The following NRG3 variants were observed in gnomAD, a reference collection of about 807,000 sequenced individuals.
The protein encoded by NRG3 is pro-neuregulin-3, membrane-bound isoform.
A neutral mutation model predicts 66.9 loss-of-function variants in NRG3; 31 were observed. The ratio of observed to expected loss-of-function variants is 0.46; its 90% CI spans 0.35 to 0.63. The LOEUF (loss-of-function observed/expected upper bound fraction) is 0.63, where lower values mean the gene tolerates loss of function less well. NRG3 is among the 20% of genes least tolerant of loss of function. The probability of loss-of-function intolerance (pLI) is 0.00; values close to 1 mark genes in which losing one functional copy is unlikely to be tolerated. For missense variants in NRG3, 910 were observed against 878.9 expected (o/e 1.04, Z -0.45); for synonymous variants, 393 against 359.4 (o/e 1.09, Z -1.06).
At chr10:82,222,401 G>A (rs1380261264) in intron 1 of NRG3, among the ~76,000 whole-genome samples, 2 of 152,062 alleles carry the variant, frequency 1.3e-5, no homozygotes, top group Non-Finnish European at 2.9e-5. Context: ...TTGGATGAGC[G>A]ATTTAGACAA....
intron 1 of NRG3, among the ~76,000 whole-genome samples, chr10:81,939,363 G>T (rs1005424617): frequency 6.6e-6 from 1 of 151,982 alleles, no homozygotes. Context: ...TTCAGTGTTT[G>T]CCAGAATTCT....
intron 2 of NRG3, among the ~76,000 whole-genome samples, chr10:82,541,264 G>A (rs1329936365): frequency 6.6e-6 from 1 of 152,160 alleles, no homozygotes; most frequent in Admixed American, 6.5e-5. Flanking sequence ...AAATACGCAT[G>A]CATATACGTA....
intron 3 of NRG3, among the ~76,000 whole-genome samples, chr10:82,770,381 C>T (rs2059669963): frequency 6.6e-6 from 1 of 152,078 alleles, no homozygotes; most frequent in Admixed American, 6.6e-5. Context: ...TTCCAAAACC[C>T]TGTTGTGAAC....
rs576699291 is a variant in NRG3 at position 82,096,503 on chromosome 10, A to C, written c.823+220340A>C. Among the ~76,000 whole-genome samples the C allele has an allele frequency of 8.5e-5, 13 of 152,056 alleles. No homozygotes were observed. The South Asian group carries it at 1.2e-3, about 15-fold the overall frequency. On this transcript the variant is annotated intron_variant, in intron 1 of 8. Coordinates refer to ENST00000372141, the MANE Select transcript of NRG3 (RefSeq NM_001010848.4). ...GAACAAACAAAAAAAAAACAACAAC[A>C]ACCACAAAAAAAACATGAACATGAG... is the stretch of plus-strand genomic sequence containing the variant.
intron 2 of NRG3, among the ~76,000 whole-genome samples, chr10:82,513,761 T>C (rs1489187590): frequency 2.0e-5 from 3 of 152,076 alleles, no homozygotes; most frequent in African/African-American, 7.2e-5. Context: ...GCCTGGGCAA[T>C]AGAATGAGAC....
At chr10:82,846,603 A>G (rs1273907768) in intron 3 of NRG3, among the ~76,000 whole-genome samples, 1 of 152,188 alleles carries the variant, frequency 6.6e-6, no homozygotes, top group Non-Finnish European at 1.5e-5. Flanking sequence ...GAAAAAGCAG[A>G]ACAATCAGCA....
intron 4 of NRG3, among the ~76,000 whole-genome samples, chr10:82,892,865 A>T (rs986137829): frequency 2.0e-5 from 3 of 152,032 alleles, no homozygotes; most frequent in Non-Finnish European, 2.9e-5. Context: ...AGTTAATAAA[A>T]TGTTTACCTA....
intron 3 of NRG3, among the ~76,000 whole-genome samples, chr10:82,831,254 AAC>A (rs1426769328): frequency 2.0e-5 from 3 of 152,140 alleles, no homozygotes; most frequent in Non-Finnish European, 4.4e-5. Flanking sequence ...TGAGCCAGGG[AAC>A]TCAACAATAT....
chr10:82,091,282 A>G (rs541242693), intron 1 of NRG3, among the ~76,000 whole-genome samples: 2 of 152,242 alleles, frequency 1.3e-5, no homozygotes, highest in South Asian at 4.2e-4. Context: ...ATCTCCAAAA[A>G]CAACTTTGTA....
chr10:82,273,504 T>A (rs1286643673), intron 1 of NRG3, among the ~76,000 whole-genome samples: 3 of 152,126 alleles, frequency 2.0e-5, no homozygotes, highest in Non-Finnish European at 4.4e-5. Flanking sequence ...TGATTGAATT[T>A]AATTATAACC....
intron 3 of NRG3, among the ~76,000 whole-genome samples, chr10:82,838,961 G>A (rs2062916123): frequency 6.6e-6 from 1 of 152,200 alleles, no homozygotes; most frequent in East Asian, 1.9e-4. Flanking sequence ...CAAGCGAAAA[G>A]GGTTTCCTCT....
chr10:82,345,770 G>C (rs1466874597), intron 1 of NRG3, among the ~76,000 whole-genome samples: 1 of 151,774 alleles, frequency 6.6e-6, no homozygotes, highest in Non-Finnish European at 1.5e-5. Context: ...TCCTTGAAGA[G>C]GTCCTTCACA....
chr10:82,173,701 A>ACACACG, intron 1 of NRG3, among the ~76,000 whole-genome samples: 1 of 151,758 alleles, frequency 6.6e-6, no homozygotes, highest in East Asian at 2.0e-4. Context: ...ACACACACAC[A>ACACACG]CACGCATGAA....
intron 1 of NRG3, among the ~76,000 whole-genome samples, chr10:82,096,648 T>G (rs1412851529): frequency 6.6e-6 from 1 of 152,140 alleles, no homozygotes; most frequent in Non-Finnish European, 1.5e-5. Context: ...TCAAAATGAC[T>G]AAGTAAAATT....
chr10:82,245,144 T>C (rs761711246), intron 1 of NRG3, among the ~76,000 whole-genome samples: 1 of 152,132 alleles, frequency 6.6e-6, no homozygotes, highest in Non-Finnish European at 1.5e-5. Context: ...GAGCTTGTGT[T>C]CCTGCAACTA....
At chr10:82,532,421 A>G (rs1309400046) in intron 2 of NRG3, among the ~76,000 whole-genome samples, 5 of 150,026 alleles carry the variant, frequency 3.3e-5, no homozygotes, top group Non-Finnish European at 7.4e-5. Context: ...ATACATATAT[A>G]GTACTATACA....
intron 3 of NRG3, among the ~76,000 whole-genome samples, chr10:82,864,130 A>G (rs2064294324): frequency 6.6e-6 from 1 of 152,106 alleles, no homozygotes. Flanking sequence ...TAGGGGGCAC[A>G]GAGTTTCTGA....
intron 2 of NRG3, among the ~76,000 whole-genome samples, chr10:82,386,842 C>T (rs1178992230): frequency 1.3e-5 from 2 of 152,070 alleles, no homozygotes; most frequent in Non-Finnish European, 2.9e-5. Context: ...CTCTGTCGCC[C>T]AGGCTGGAGT....
intron 1 of NRG3, among the ~76,000 whole-genome samples, chr10:81,918,901 A>C (rs1017637068): frequency 6.6e-6 from 1 of 151,918 alleles, no homozygotes; most frequent in Non-Finnish European, 1.5e-5. Context: ...TTTGAAATAC[A>C]TCTGGTGTTT....
Sources: allele counts gnomAD v4.1 joint callset (sites outside exome capture counted in the v4.1 genomes callset), GRCh38; gene constraint gnomAD v4.1.1; transcripts MANE v1.5; gene names NCBI Gene and HGNC (gene_info 2026-07-23, HGNC 2026-07-21).